The following DNAAF10 variants were observed in gnomAD, a reference collection of about 807,000 sequenced individuals.
The protein encoded by DNAAF10 is dynein axonemal assembly factor 10.
A neutral mutation model predicts 43.7 loss-of-function variants in DNAAF10; 28 were observed. The observed-to-expected ratio is 0.64, with a 90% CI of 0.48 to 0.88. DNAAF10 has a LOEUF of 0.88. Among genes scored for constraint, DNAAF10 ranks in the 40% least tolerant of loss-of-function variants. The pLI is 0.00. For synonymous variants in DNAAF10, 156 were observed against 157.3 expected (o/e 0.99, Z 0.06); for missense variants, 403 against 439.1 (o/e 0.92, Z 0.73).
Position 68,137,316 on chromosome 2 carries a change from C to T in DNAAF10, c.751G>A (p.Ala251Thr). 6.2e-7 allele frequency: 1 copy of T among 1,610,474 alleles called. No individual in the cohort carries two copies. Among genetic ancestry groups the T allele is most frequent in the Non-Finnish European group, 8.5e-7 (1 of 1,178,540 alleles). ...MRTQHPTKGF[A>T]SVSEKAHKST... ...ATATTTACCTTTTCTGAAACAGAGG[C>T]AAAACCTTTGGTTGGATGCTGTGTT... Residue 251 changes from alanine (A) to threonine (T), a missense_variant, in exon 6 of 8, where the codon GCC becomes ACC. Coordinates refer to ENST00000295121, the MANE Select transcript of DNAAF10 (RefSeq NM_138458.4).
intron 1 of DNAAF10, among the ~76,000 whole-genome samples, chr2:68,153,088 CTGA>C (rs1220580597): frequency 6.6e-6 from 1 of 152,058 alleles, no homozygotes; most frequent in Non-Finnish European, 1.5e-5. Context: ...CTTTTATAGG[CTGA>C]TGAAGTCTCA....
chr2:68,153,611 AAC>A (rs906003375), intron 1 of DNAAF10, among the ~76,000 whole-genome samples: 20 of 152,020 alleles, frequency 1.3e-4, no homozygotes, highest in African/African-American at 4.6e-4. Context: ...AATGTTTTAA[AAC>A]ACACACACAC....
In DNAAF10 at chr2:68,130,913, T is replaced by TA. The variant is rs1672917396; in HGVS notation, c.*324_*325insT. ...CCTCTGGAAGGTTTCAAGTCCAAAG[T>TA]CTTTTTTTTTTTTTTTTTTTTTGAG... is the stretch of plus-strand genomic sequence containing the variant. On this transcript the variant is annotated 3_prime_UTR_variant, in exon 8 of 8. Coordinates refer to ENST00000295121, the MANE Select transcript of DNAAF10 (RefSeq NM_138458.4). The TA allele has an allele frequency of 1.2e-5, 2 of 168,744 alleles. No homozygotes were observed. Among genetic ancestry groups the TA allele is most frequent in the African/African-American group, 6.2e-5 (2 of 32,346 alleles). The allele number at this position is 168,744 out of a possible 1,614,324, so 10.5% of individuals were successfully genotyped here. A position where few individuals can be genotyped will look rare whatever the true frequency, so the allele number is the denominator to read the frequency against.
intron 1 of DNAAF10, among the ~76,000 whole-genome samples, chr2:68,155,873 G>C (rs970736241): frequency 3.9e-5 from 6 of 152,120 alleles, no homozygotes; most frequent in African/African-American, 1.4e-4. Context: ...GATGTAGGCA[G>C]ACTGCTTGAG....
At chr2:68,144,343 T>C (rs1222940757) in intron 3 of DNAAF10, among the ~76,000 whole-genome samples, 1 of 152,248 alleles carries the variant, frequency 6.6e-6, no homozygotes, top group African/African-American at 2.4e-5. Context: ...TGTTAGTAGC[T>C]GAACCAGCTC....
At chr2:68,141,833 G>C (rs1562666) in intron 3 of DNAAF10, 38 bp from the exon 4 acceptor site, 2 of 1,528,028 alleles carry the variant, frequency 1.3e-6, no homozygotes, top group Admixed American at 1.7e-5. Context: ...AAATTCAAAA[G>C]TAAATGATTA....
Position 68,153,553 on chromosome 2 carries a change from A to C in DNAAF10, c.183+3708T>G, listed in dbSNP as rs972722139. 2.6e-5 allele frequency among the ~76,000 whole-genome samples: 4 copies of C among 152,048 alleles called. No individual in the cohort carries two copies. In the East Asian group the frequency reaches 5.8e-4, roughly 22 times the overall value. On this transcript the variant is annotated intron_variant, in intron 1 of 7. Coordinates refer to ENST00000295121, the MANE Select transcript of DNAAF10 (RefSeq NM_138458.4). ...TTCTAAACCTTACTCCAGATGCAAC[A>C]AAGTTGTACTACTGTGTCAGAATTT... is the stretch of plus-strand genomic sequence containing the variant.
At chr2:68,141,870 T>C in intron 3 of DNAAF10, 75 bp from the exon 4 acceptor site, 1 of 1,219,182 alleles carries the variant, frequency 8.2e-7, no homozygotes, top group Non-Finnish European at 1.2e-6. Context: ...TCTTCTTCTA[T>C]GGCTTCCTGT....
At chr2:68,157,011 C>G (rs1251575371) in intron 1 of DNAAF10, 6 of 573,698 alleles carry the variant, frequency 1.0e-5, no homozygotes, top group Admixed American at 6.6e-5. Flanking sequence ...CTGCAGGCAT[C>G]CTGGTGCCCG....
chr2:68,141,782 C>T lies in DNAAF10; in HGVS notation c.429G>A (p.Val143=), dbSNP rs755744404. ...VTGSRDGTVK[V]WDPRQKDDPV... Reference sequence around the variant, plus strand: ...GATCATCTTTTTGCCTTGGGTCCCACACCTTCACAGTTCCTGCCATGCATA... The same window carrying T: ...GATCATCTTTTTGCCTTGGGTCCCATACCTTCACAGTTCCTGCCATGCATA... The change falls in exon 4 of 8, where the codon GTG becomes GTA. Residue 143 remains valine (V), a synonymous_variant. Coordinates refer to ENST00000295121, the MANE Select transcript of DNAAF10 (RefSeq NM_138458.4). 3 of 1,614,030 alleles carry T rather than the reference C, an allele frequency of 1.9e-6. No homozygotes were observed. Among genetic ancestry groups the T allele is most frequent in the East Asian group, 2.2e-5 (1 of 44,894 alleles).
At chr2:68,144,911 G>A (rs1201189525) in intron 2 of DNAAF10, among the ~76,000 whole-genome samples, 196 bp from the exon 3 acceptor site, 1 of 152,094 alleles carries the variant, frequency 6.6e-6, no homozygotes, top group Admixed American at 6.6e-5. Context: ...ATTGAGAACT[G>A]TCATCATTCA....
chr2:68,138,628 G>A (rs761955939), intron 5 of DNAAF10, 114 bp downstream of exon 5: 30 of 751,900 alleles, frequency 4.0e-5, no homozygotes, highest in Non-Finnish European at 6.1e-5. Flanking sequence ...GTTAAGAACC[G>A]TTGGCAGAGG....
intron 2 of DNAAF10, among the ~76,000 whole-genome samples, chr2:68,145,464 T>C (rs1375250994): frequency 6.6e-6 from 1 of 152,204 alleles, no homozygotes; most frequent in Non-Finnish European, 1.5e-5. Context: ...TATATATATG[T>C]AAATTCAAAG....
intron 6 of DNAAF10, among the ~76,000 whole-genome samples, chr2:68,136,407 A>G (rs1673045760): frequency 2.0e-5 from 3 of 152,162 alleles, no homozygotes; most frequent in Admixed American, 2.0e-4. Flanking sequence ...ATTTATAGCT[A>G]TCTTGTTAAG....
At chr2:68,156,287 C>G (rs1673609110) in intron 1 of DNAAF10, among the ~76,000 whole-genome samples, 1 of 152,010 alleles carries the variant, frequency 6.6e-6, no homozygotes, top group South Asian at 2.1e-4. Context: ...TGTATTCATC[C>G]TTTATCTACC....
intron 4 of DNAAF10, among the ~76,000 whole-genome samples, chr2:68,139,405 C>G (rs1673123950): frequency 6.6e-6 from 1 of 152,016 alleles, no homozygotes; most frequent in South Asian, 2.1e-4. Context: ...AATCATGAGC[C>G]AAATAAAACT....
intron 7 of DNAAF10, chr2:68,131,902 T>C: frequency 5.7e-6 from 1 of 176,966 alleles, no homozygotes; most frequent in Non-Finnish European, 1.2e-5. Flanking sequence ...AATGAAAAAC[T>C]GATGCCAGCT....
chr2:68,146,107 CA>C (rs1273400876), intron 2 of DNAAF10, among the ~76,000 whole-genome samples: 1 of 152,034 alleles, frequency 6.6e-6, no homozygotes, highest in East Asian at 1.9e-4. Flanking sequence ...ACTAAAAACA[CA>C]AAAAATTGCC....
intron 1 of DNAAF10, among the ~76,000 whole-genome samples, chr2:68,156,409 A>T (rs1420446656): frequency 6.6e-6 from 1 of 152,144 alleles, no homozygotes; most frequent in Non-Finnish European, 1.5e-5. Context: ...ATGACTGATC[A>T]TTTTTTCAGG....
Sources: gnomAD v4.1 joint callset for allele counts (sites outside exome capture counted in the v4.1 genomes callset) on GRCh38, gnomAD v4.1.1 for gene constraint, MANE v1.5 for transcripts, NCBI Gene and HGNC (gene_info 2026-07-23, HGNC 2026-07-21) for gene names.